The following APBA2 variants were observed in gnomAD, a reference collection of about 807,000 sequenced individuals.
The protein encoded by APBA2 is amyloid beta precursor protein binding family A member 2.
In APBA2, 30 loss-of-function variants were observed where a neutral mutation model predicts 75.0. That is an observed-to-expected ratio of 0.40 (90% CI 0.30 to 0.54). APBA2 has a LOEUF of 0.54. Ranked by LOEUF, APBA2 falls within the 20% of genes least tolerant of loss-of-function variation. The pLI, the probability that APBA2 is intolerant of heterozygous loss-of-function variation, is 0.49. For synonymous variants in APBA2, 444 were observed against 409.6 expected, an observed-to-expected ratio of 1.08 and a Z score of -1.01; for missense variants, 801 against 1,016.1, an observed-to-expected ratio of 0.79 and a Z score of 2.88.
intron 1 of APBA2, among the ~76,000 whole-genome samples, chr15:28,907,663 A>T (rs1156860636): frequency 6.6e-6 from 1 of 152,162 alleles, no homozygotes; most frequent in South Asian, 2.1e-4. Context: ...CAACCTCAGG[A>T]TCAATGCTTG....
At position 28,901,908 on chromosome 15, in the gene APBA2, A is replaced by ATG. The variant is rs766260051; in HGVS notation, c.-205+15662_-205+15663dup. Among the ~76,000 whole-genome samples, 176 of 67,406 alleles carry ATG rather than the reference A, an allele frequency of 2.6e-3. 3 individuals carry two copies. Among genetic ancestry groups the ATG allele is most frequent in the East Asian group, 0.017 (50 of 2,870 alleles). The allele number at this position is 67,406 out of a possible 152,430, so 44.2% of individuals were successfully genotyped here. A position where few individuals can be genotyped will look rare whatever the true frequency, so the allele number is the denominator to read the frequency against. On this transcript the variant is annotated intron_variant, in intron 1 of 14. Coordinates refer to ENST00000683413, the MANE Select transcript of APBA2 (RefSeq NM_001353788.2). ...GGACCCTGCCCTCGGGGAGCTTTTG[A>ATG]TGTGTGTGTGTGTGTGTGTGTGTGT... is the stretch of plus-strand genomic sequence containing the variant.
Position 29,108,404 on chromosome 15 carries a change from C to T in APBA2, c.2037+15C>T, listed in dbSNP as rs201091441. 3.7e-6 allele frequency: 6 copies of T among 1,613,796 alleles called. No homozygotes were observed. In the South Asian group the frequency reaches 5.5e-5, roughly 15 times the overall value. On this transcript the variant is annotated intron_variant, in intron 13 of 14. Transcript: ENST00000683413. Reference sequence around the variant, plus strand: ...AGAATGGAATTGTGAGTTCCCCCTCCTGCTCTGGGCCACCACCACCACTGC... The same window carrying T: ...AGAATGGAATTGTGAGTTCCCCCTCTTGCTCTGGGCCACCACCACCACTGC...
Position 29,110,169 on chromosome 15 carries a change from C to G in APBA2, c.2037+1780C>G, listed in dbSNP as rs188127136. 4.7e-4 allele frequency among the ~76,000 whole-genome samples: 71 copies of G among 152,328 alleles called. 1 individual carries two copies. The highest frequency in any genetic ancestry group is 1.7e-3 in the African/African-American group (70 of 41,588). On this transcript the variant is annotated intron_variant, in intron 13 of 14. Coordinates refer to ENST00000683413, the MANE Select transcript of APBA2 (RefSeq NM_001353788.2). Reference sequence around the variant, plus strand: ...AGGAGGGCTGGGACATCCTTCTGGGCTACTGCACCCCCGACCATCACCAGG... The same window carrying G: ...AGGAGGGCTGGGACATCCTTCTGGGGTACTGCACCCCCGACCATCACCAGG...
At chr15:29,026,373 TAA>T (rs891977525) in intron 3 of APBA2, among the ~76,000 whole-genome samples, 12 of 152,194 alleles carry the variant, frequency 7.9e-5, no homozygotes, top group African/African-American at 2.9e-4. Flanking sequence ...TCTTCTTTTA[TAA>T]AGTTTCTTAT....
intron 2 of APBA2, among the ~76,000 whole-genome samples, chr15:28,973,875 A>G (rs1427853911): frequency 6.6e-6 from 1 of 152,184 alleles, no homozygotes; most frequent in Non-Finnish European, 1.5e-5. Context: ...TATAGACCTT[A>G]AATACCCAAA....
chr15:28,940,907 C>T (rs1295636456), intron 2 of APBA2, among the ~76,000 whole-genome samples: 1 of 152,150 alleles, frequency 6.6e-6, no homozygotes, highest in African/African-American at 2.4e-5. Flanking sequence ...AAGTCAAAGT[C>T]CACGAGGATA....
intron 1 of APBA2, among the ~76,000 whole-genome samples, chr15:28,913,468 T>G (rs972277445): frequency 2.0e-4 from 30 of 152,286 alleles, no homozygotes; most frequent in African/African-American, 7.2e-4. Flanking sequence ...GGTCTCTGAC[T>G]TCAATCCTCT....
At position 28,955,594 on chromosome 15, in the gene APBA2, G is replaced by A. The variant is rs116226989; in HGVS notation, c.-95+33845G>A. 4.2e-3 allele frequency among the ~76,000 whole-genome samples: 638 copies of A among 152,348 alleles called. 5 individuals carry two copies. Among genetic ancestry groups the A allele is most frequent in the African/African-American group, 0.015 (619 of 41,564 alleles). On this transcript the variant is annotated intron_variant, in intron 2 of 14. Coordinates refer to ENST00000683413, the MANE Select transcript of APBA2 (RefSeq NM_001353788.2). ...CTTTGTTCAGGGAAATGCATCTTTT[G>A]TGGGATTTCTTCTGAGTAATTAAGA... is the stretch of plus-strand genomic sequence containing the variant.
At chr15:29,000,704 C>T (rs1033212188) in intron 3 of APBA2, among the ~76,000 whole-genome samples, 3 of 152,158 alleles carry the variant, frequency 2.0e-5, no homozygotes, top group Admixed American at 2.0e-4. Context: ...AACCCTCCCT[C>T]CTTGGCCTCC....
intron 6 of APBA2, among the ~76,000 whole-genome samples, chr15:29,078,292 C>CA (rs201913159): frequency 0.011 from 1,574 of 148,952 alleles, 30 homozygotes; most frequent in African/African-American, 0.037. Flanking sequence ...AACTCCGTAT[C>CA]AAAAAAAATA....
intron 2 of APBA2, among the ~76,000 whole-genome samples, chr15:28,970,781 G>A (rs999542641): frequency 6.6e-6 from 1 of 150,922 alleles, no homozygotes; most frequent in African/African-American, 2.4e-5. Context: ...AAAAATAAAA[G>A]CAACAACAAG....
At chr15:28,987,722 G>GGA (rs145875513) in intron 2 of APBA2, among the ~76,000 whole-genome samples, 12 of 128,330 alleles carry the variant, frequency 9.4e-5, no homozygotes, top group South Asian at 2.8e-4. Context: ...AAGAATATGT[G>GGA]GAGAGAGATA....
At chr15:29,058,118 C>T (rs2041982782) in intron 4 of APBA2, among the ~76,000 whole-genome samples, 1 of 152,212 alleles carries the variant, frequency 6.6e-6, no homozygotes, top group Admixed American at 6.5e-5. Flanking sequence ...GACCCCTCCA[C>T]CTCCTTTCGG....
intron 1 of APBA2, among the ~76,000 whole-genome samples, chr15:28,912,315 G>A (rs1253224300): frequency 6.6e-6 from 1 of 152,170 alleles, no homozygotes; most frequent in Non-Finnish European, 1.5e-5. Flanking sequence ...TATGGATTAG[G>A]ACATGTGGGT....
chr15:28,972,601 G>GT (rs1283472929), intron 2 of APBA2, among the ~76,000 whole-genome samples: 1 of 152,208 alleles, frequency 6.6e-6, no homozygotes, highest in Non-Finnish European at 1.5e-5. Flanking sequence ...GAAAGAAAAC[G>GT]TGAGTGAAGG....
chr15:28,945,050 G>A (rs2035465393), intron 2 of APBA2, among the ~76,000 whole-genome samples: 1 of 152,212 alleles, frequency 6.6e-6, no homozygotes, highest in Non-Finnish European at 1.5e-5. Context: ...TTCATGGGGA[G>A]CCTGATGCTT....
chr15:28,987,101 A>G (rs2037965478), intron 2 of APBA2, among the ~76,000 whole-genome samples: 1 of 124,088 alleles, frequency 8.1e-6, no homozygotes, highest in Non-Finnish European at 1.5e-5. Flanking sequence ...ATTAGGTTTT[A>G]ACATGTGAAT....
At chr15:28,938,465 TA>T (rs773849497) in intron 2 of APBA2, among the ~76,000 whole-genome samples, 3 of 152,254 alleles carry the variant, frequency 2.0e-5, no homozygotes, top group Non-Finnish European at 4.4e-5. Context: ...TTTTAATTTT[TA>T]TACACATATC....
chr15:28,916,693 C>A (rs2033704962), intron 1 of APBA2, among the ~76,000 whole-genome samples: 1 of 152,180 alleles, frequency 6.6e-6, no homozygotes, highest in Non-Finnish European at 1.5e-5. Context: ...GCTCACTTAC[C>A]ATTTTCCCTC....
Sources: allele counts gnomAD v4.1 joint callset (sites outside exome capture counted in the v4.1 genomes callset), GRCh38; gene constraint gnomAD v4.1.1; transcripts MANE v1.5; gene names NCBI Gene and HGNC (gene_info 2026-07-23, HGNC 2026-07-21).